CPNE4: variants seen among roughly 807,000 people sequenced by gnomAD.
CPNE4 encodes copine 4.
CPNE4 carries 25 observed loss-of-function variants against 67.9 expected under a neutral mutation model. The ratio of observed to expected loss-of-function variants is 0.37; its 90% CI spans 0.27 to 0.51. The LOEUF is 0.51. Among genes scored for constraint, CPNE4 ranks in the 20% least tolerant of loss-of-function variants. The probability of loss-of-function intolerance (pLI) is 0.93; values close to 1 mark genes in which losing one functional copy is unlikely to be tolerated. For synonymous variants in CPNE4, 242 were observed against 244.9 expected, an observed-to-expected ratio of 0.99 and a Z score of 0.11; for missense variants, 464 against 690.8, an observed-to-expected ratio of 0.67 and a Z score of 3.68.
chr3:131,668,860 G>T (rs1392447424), intron 7 of CPNE4, among the ~76,000 whole-genome samples: 3 of 152,074 alleles, frequency 2.0e-5, no homozygotes, highest in African/African-American at 7.2e-5. Flanking sequence ...ACATTCCCAA[G>T]GTGCTCAGAA....
rs1168715739 is a variant in CPNE4, at chr3:131,579,976, G to A, written c.867+1603C>T. On this transcript the variant is annotated intron_variant, in intron 9 of 15. Transcript: ENST00000429747. ...CATTTTTGAAAGAAGTTCTGCCATG[G>A]GCAAAATGCTATCAGACAGCATCAC... Among the ~76,000 whole-genome samples the A allele has an allele frequency of 2.0e-5, 3 of 152,124 alleles. No homozygotes were observed. The East Asian group carries it at 5.8e-4, about 29-fold the overall frequency.
chr3:132,019,679 C>T lies in CPNE4; in HGVS notation c.-2+14888G>A, dbSNP rs116649515. Among the ~76,000 whole-genome samples the T allele has an allele frequency of 9.8e-3, 1,489 of 152,294 alleles. 22 individuals carry two copies. The highest frequency in any genetic ancestry group is 0.034 in the African/African-American group (1,423 of 41,562). Reference sequence around the variant, plus strand: ...CCCTTGACCCAATGATGCCACTTTACTGAAATGCAATATTAGCCAAATTCA... The same window carrying T: ...CCCTTGACCCAATGATGCCACTTTATTGAAATGCAATATTAGCCAAATTCA... On this transcript the variant is annotated intron_variant, in intron 1 of 15. Transcript: ENST00000429747.
At chr3:131,917,405 T>C (rs2070588439) in intron 1 of CPNE4, among the ~76,000 whole-genome samples, 1 of 152,160 alleles carries the variant, frequency 6.6e-6, no homozygotes, top group Middle Eastern at 3.2e-3. Context: ...TGTTGGAAGA[T>C]ACATCGTGTT....
intron 3 of CPNE4, among the ~76,000 whole-genome samples, chr3:131,711,600 G>A (rs1047839458): frequency 3.3e-5 from 5 of 152,112 alleles, no homozygotes; most frequent in African/African-American, 1.2e-4. Flanking sequence ...GTGCTCACAT[G>A]GGAAGGGCCC....
chr3:131,979,627 T>C (rs529761970), intron 1 of CPNE4, among the ~76,000 whole-genome samples: 11 of 152,206 alleles, frequency 7.2e-5, no homozygotes, highest in Non-Finnish European at 1.5e-4. Context: ...CGTGACTTTT[T>C]ATCCATTCTG....
At position 131,549,928 on chromosome 3, in the gene CPNE4, C is replaced by A; in HGVS notation, c.1302+19G>T. 2 of 1,612,296 alleles carry A rather than the reference C, an allele frequency of 1.2e-6. No individual in the cohort carries two copies. Among genetic ancestry groups the A allele is most frequent in the Non-Finnish European group, 8.5e-7 (1 of 1,178,954 alleles). ...GGAAGAGTAAGCTCCCCTTAGGAGG[C>A]AAATAGCCCCCTCCTTACCGATGCC... On this transcript the variant is annotated intron_variant, in intron 14 of 15. Transcript: ENST00000429747.
At chr3:131,760,064 A>C (rs950214458) in intron 2 of CPNE4, among the ~76,000 whole-genome samples, 1 of 152,212 alleles carries the variant, frequency 6.6e-6, no homozygotes, top group African/African-American at 2.4e-5. Flanking sequence ...TTATGTAAAA[A>C]TCTTAGTAAC....
chr3:131,964,744 T>C (rs2072293059), intron 1 of CPNE4, among the ~76,000 whole-genome samples: 1 of 151,960 alleles, frequency 6.6e-6, no homozygotes, highest in Non-Finnish European at 1.5e-5. Context: ...AAACCTACAA[T>C]TGATTGGTGT....
At chr3:131,952,095 C>T (rs1235519210) in intron 1 of CPNE4, among the ~76,000 whole-genome samples, 8 of 148,708 alleles carry the variant, frequency 5.4e-5, no homozygotes, top group African/African-American at 2.0e-4. Context: ...TCTGCCCGGC[C>T]GCCATCCCAT....
chr3:131,542,826 G>T (rs1302439348), intron 14 of CPNE4, 33 bp from the exon 15 acceptor site: 9 of 1,436,940 alleles, frequency 6.3e-6, no homozygotes, highest in African/African-American at 4.2e-5. Context: ...GATGGGGGGG[G>T]GTGAAGAGGT....
At chr3:131,907,014 AAAAC>A (rs755816970) in intron 1 of CPNE4, among the ~76,000 whole-genome samples, 3 of 152,154 alleles carry the variant, frequency 2.0e-5, no homozygotes, top group Non-Finnish European at 4.4e-5. Flanking sequence ...TTACAAGAAA[AAAAC>A]AAACAACCCC....
chr3:131,638,973 G>C (rs1012815024), intron 7 of CPNE4, among the ~76,000 whole-genome samples: 2 of 152,026 alleles, frequency 1.3e-5, no homozygotes. Context: ...AACAATAATA[G>C]TGACACAACC....
At chr3:131,945,222 A>G (rs2071516957) in intron 1 of CPNE4, among the ~76,000 whole-genome samples, 1 of 152,040 alleles carries the variant, frequency 6.6e-6, no homozygotes, top group African/African-American at 2.4e-5. Flanking sequence ...GTCCTCTCAA[A>G]ACCTGGTAAC....
Position 131,581,603 on chromosome 3 carries a change from G to A in CPNE4, c.843C>T (p.Gly281=). The A allele has an allele frequency of 6.2e-7, 1 of 1,613,068 alleles. No individual in the cohort carries two copies. Among genetic ancestry groups the A allele is most frequent in the Non-Finnish European group, 8.5e-7 (1 of 1,179,074 alleles). ...CCTTGCACAGATTCAGAATCACAGT[G>A]CCTGAGTTCTTGTAATTCTTCTTCT... is the stretch of plus-strand genomic sequence containing the variant. ...KAKKKNYKNS[G]TVILNLCKIH... Residue 281 remains glycine (G), a synonymous_variant, in exon 9 of 16, where the codon GGC becomes GGT. Transcript: ENST00000429747.
At chr3:131,798,652 T>A (rs1324801043) in intron 2 of CPNE4, among the ~76,000 whole-genome samples, 1 of 152,146 alleles carries the variant, frequency 6.6e-6, no homozygotes, top group Non-Finnish European at 1.5e-5. Context: ...TTTTGTGATA[T>A]TTGAGAGTCC....
intron 2 of CPNE4, among the ~76,000 whole-genome samples, chr3:131,837,561 A>T (rs1040491535): frequency 6.6e-6 from 1 of 152,040 alleles, no homozygotes; most frequent in Non-Finnish European, 1.5e-5. Flanking sequence ...AAGGGATAAC[A>T]CAGGGAGATT....
Position 131,737,115 on chromosome 3 carries a change from C to CTTTTTTTTTTTTTTTTTTTT in CPNE4, c.181-13510_181-13491dup, listed in dbSNP as rs71788145. Among the ~76,000 whole-genome samples the CTTTTTTTTTTTTTTTTTTTT allele has an allele frequency of 3.0e-3, 147 of 49,400 alleles. 27 individuals carry two copies. Among genetic ancestry groups the CTTTTTTTTTTTTTTTTTTTT allele is most frequent in the East Asian group, 7.8e-3 (9 of 1,156 alleles). 32.4% of individuals were successfully genotyped at this position (49,400 alleles called of 152,430 possible). A position where few individuals can be genotyped will look rare whatever the true frequency, so the allele number is the denominator to read the frequency against. The stretch of plus-strand genomic sequence containing the variant: ...TGCCTCTTTTTATGAAGTATTGTGT[C>CTTTTTTTTTTTTTTTTTTTT]TTTTTTTTTTTTTTTTTTTTTTTTT... On this transcript the variant is annotated intron_variant, in intron 2 of 15. Coordinates refer to ENST00000429747, the MANE Select transcript of CPNE4 (RefSeq NM_130808.3).
chr3:131,757,237 G>A (rs2082772746), intron 2 of CPNE4, among the ~76,000 whole-genome samples: 1 of 152,196 alleles, frequency 6.6e-6, no homozygotes, highest in Admixed American at 6.5e-5. Flanking sequence ...GGAAAGTTTG[G>A]AACTTCCTAG....
intron 2 of CPNE4, among the ~76,000 whole-genome samples, chr3:131,904,116 C>T (rs531951649): frequency 6.6e-6 from 1 of 152,268 alleles, no homozygotes; most frequent in Admixed American, 6.5e-5. Flanking sequence ...GAGCAGCTGC[C>T]TTGCACAAGC....
Sources: allele counts gnomAD v4.1 joint callset (sites outside exome capture counted in the v4.1 genomes callset), GRCh38; gene constraint gnomAD v4.1.1; transcripts MANE v1.5; gene names NCBI Gene and HGNC (gene_info 2026-07-23, HGNC 2026-07-21).